The following PSMD4 variants were observed in gnomAD, a reference collection of about 807,000 sequenced individuals.
PSMD4 encodes the protein 26S proteasome non-ATPase regulatory subunit 4.
In PSMD4, 5 loss-of-function variants were observed where a neutral mutation model predicts 39.7. The ratio of observed to expected loss-of-function variants is 0.13; its 90% CI spans 0.07 to 0.26. The LOEUF (loss-of-function observed/expected upper bound fraction) is 0.26, where lower values mean the gene tolerates loss of function less well. PSMD4 is among the 10% of genes least tolerant of loss of function. The pLI is 1.00. For missense variants in PSMD4, 272 were observed against 486.1 expected (o/e 0.56, Z 4.14); for synonymous variants, 143 against 174.6 (o/e 0.82, Z 1.43).
rs57889256 is a variant in PSMD4 at position 151,256,343 on chromosome 1, CAAA to C, written c.26+1546_26+1548del. Among the ~76,000 whole-genome samples the C allele has an allele frequency of 2.4e-3, 118 of 49,230 alleles. 1 individual carries two copies. Among genetic ancestry groups the C allele is most frequent in the Middle Eastern group, 0.014 (1 of 70 alleles). The allele number at this position is 49,230 out of a possible 152,430, so 32.3% of individuals were successfully genotyped here. On this transcript the variant is annotated intron_variant, in intron 1 of 9. Transcript: ENST00000368884. ...TGGGCGACAGAGTGAGACTCCCTCT[CAAA>C]AAAAAAAAAATAATAATAAAATAAA...
intron 1 of PSMD4, among the ~76,000 whole-genome samples, chr1:151,257,184 A>G (rs1200064796): frequency 2.0e-5 from 3 of 152,162 alleles, no homozygotes; most frequent in Non-Finnish European, 4.4e-5. Flanking sequence ...ATCCCCAGTT[A>G]TTGAATAGGG....
At chr1:151,256,364 AAAATAAAT>A (rs1161718731) in intron 1 of PSMD4, among the ~76,000 whole-genome samples, 15 of 45,640 alleles carry the variant, frequency 3.3e-4, no homozygotes, top group African/African-American at 1.1e-3. Flanking sequence ...AAATAATAAT[AAAATAAAT>A]AAATAAATAA....
Position 151,254,826 on chromosome 1 carries a change from G to A in PSMD4, c.26+18G>A, listed in dbSNP as rs977850289. On this transcript the variant is annotated intron_variant, in intron 1 of 9. Transcript: ENST00000368884. ...ATGGTGTGGTGAGGAGCTACTTCGGGGCAGGAGGGGCAGAGCTGGGTTCCG... is the reference window on the plus strand; with the variant it reads ...ATGGTGTGGTGAGGAGCTACTTCGGAGCAGGAGGGGCAGAGCTGGGTTCCG... The A allele has an allele frequency of 6.6e-7, 1 of 1,507,190 alleles. No homozygotes were observed. The highest frequency in any genetic ancestry group is 8.8e-7 in the Non-Finnish European group (1 of 1,134,730). 93.4% of individuals were successfully genotyped at this position (1,507,190 alleles called of 1,614,324 possible).
Position 151,264,018 on chromosome 1 carries a change from G to C in PSMD4, c.272G>C (p.Arg91Pro). The change falls in exon 3 of 10, where the codon CGC becomes CCC. Residue 91 changes from arginine (R) to proline (P), a missense_variant. Coordinates refer to ENST00000368884, the MANE Select transcript of PSMD4 (RefSeq NM_002810.4). ...AAGATCACCTTCTGCACGGGCATCC[G>C]CGTGGCCCATGTGAGTCCTACTGGG... ...KGKITFCTGIRVAHLALKHRQ... is the reference protein window; with the variant it reads ...KGKITFCTGIPVAHLALKHRQ... The C allele has an allele frequency of 6.3e-7, 1 of 1,595,588 alleles. No individual in the cohort carries two copies. Among genetic ancestry groups the C allele is most frequent in the Non-Finnish European group, 8.5e-7 (1 of 1,170,568 alleles).
chr1:151,267,191 G>A lies in PSMD4; in HGVS notation c.982G>A (p.Val328Met). 1.2e-6 allele frequency: 2 copies of A among 1,613,886 alleles called. No homozygotes were observed. The highest frequency in any genetic ancestry group is 1.1e-5 in the South Asian group (1 of 91,074). ...TTTGCAGGAGGAGGATGATTACGAC[G>A]TGATGCAGGACCCCGAGTTCCTTCA... ...EPAKEEDDYDVMQDPEFLQSV... is the reference protein window; with the variant it reads ...EPAKEEDDYDMMQDPEFLQSV... The change falls in exon 10 of 10, where the codon GTG becomes ATG. Residue 328 changes from valine to methionine, a missense_variant. By Grantham distance (21) the Val-to-Met change is conservative. This residue lies in a region of PSMD4 where 113 missense variants were observed against 184.6 expected (regional missense o/e 0.61). Transcript: ENST00000368884.
chr1:151,257,715 C>CTTTTTTTTTTTTTTTTTTTT (rs71090149), intron 1 of PSMD4, among the ~76,000 whole-genome samples: 6 of 88,718 alleles, frequency 6.8e-5, no homozygotes, highest in Non-Finnish European at 8.0e-5. Flanking sequence ...ACCTGGCTTT[C>CTTTTTTTTTTTTTTTTTTTT]TTTTTTTTTT....
intron 1 of PSMD4, among the ~76,000 whole-genome samples, chr1:151,261,347 C>G (rs1440742613): frequency 2.0e-5 from 3 of 151,404 alleles, no homozygotes; most frequent in African/African-American, 7.3e-5. Context: ...AGCTAATTTT[C>G]TACTTTTAGT....
At position 151,256,588 on chromosome 1, in the gene PSMD4, G is replaced by A. The variant is rs188897285; in HGVS notation, c.26+1780G>A. Reference sequence around the variant, plus strand: ...TGAGTAACTGGGATTACAGGTGCCCGCCACCACGCCCAGCTTTTTTGTATT... The same window carrying A: ...TGAGTAACTGGGATTACAGGTGCCCACCACCACGCCCAGCTTTTTTGTATT... On this transcript the variant is annotated intron_variant, in intron 1 of 9. Transcript: ENST00000368884. Among the ~76,000 whole-genome samples, 475 of 149,686 alleles carry A rather than the reference G, an allele frequency of 3.2e-3. 4 individuals are homozygous for A. The highest frequency in any genetic ancestry group is 0.011 in the African/African-American group (453 of 40,832).
At chr1:151,258,117 G>A (rs935500782) in intron 1 of PSMD4, among the ~76,000 whole-genome samples, 9 of 151,666 alleles carry the variant, frequency 5.9e-5, no homozygotes, top group African/African-American at 1.5e-4. Flanking sequence ...TCCACCTCCC[G>A]GGTTCAAATG....
chr1:151,255,641 G>T (rs1281990300), intron 1 of PSMD4, among the ~76,000 whole-genome samples: 2 of 152,132 alleles, frequency 1.3e-5, no homozygotes, highest in African/African-American at 4.8e-5. Flanking sequence ...GCACCTATGA[G>T]ATTTCTTCTT....
chr1:151,259,708 G>C (rs780706304), intron 1 of PSMD4, among the ~76,000 whole-genome samples: 1 of 151,506 alleles, frequency 6.6e-6, no homozygotes, highest in Non-Finnish European at 1.5e-5. Flanking sequence ...GGGCAACAAA[G>C]TGAGACTCCA....
At chr1:151,257,699 C>T (rs1693207477) in intron 1 of PSMD4, among the ~76,000 whole-genome samples, 1 of 150,270 alleles carries the variant, frequency 6.7e-6, no homozygotes, top group African/African-American at 2.5e-5. Context: ...AGGCACCCGC[C>T]ACCATACCTG....
rs1693450537 is a variant in PSMD4, at chr1:151,266,415, A to G, written c.871A>G (p.Met291Val). The G allele has an allele frequency of 1.2e-6, 2 of 1,614,102 alleles. No individual in the cohort carries two copies. Among genetic ancestry groups the G allele is most frequent in the Non-Finnish European group, 1.7e-6 (2 of 1,180,048 alleles). ...MTEEEQIAYA[M>V]QMSLQGAEFG... is the part of the protein sequence containing the mutation. ...TGAGGAAGAGCAGATTGCTTATGCCATGCAGATGTCCCTGCAGGGAGCAGG... is the reference window on the plus strand; with the variant it reads ...TGAGGAAGAGCAGATTGCTTATGCCGTGCAGATGTCCCTGCAGGGAGCAGG... Residue 291 changes from methionine (M) to valine (V), a missense_variant, in exon 8 of 10, where the codon ATG (methionine) becomes GTG (valine). Met to Val is a conservative substitution (Grantham distance 21). Coordinates refer to ENST00000368884, the MANE Select transcript of PSMD4 (RefSeq NM_002810.4).
At chr1:151,262,349 C>T (rs376464429) in intron 2 of PSMD4, 48 bp downstream of exon 2, 2 of 1,607,022 alleles carry the variant, frequency 1.2e-6, no homozygotes, top group African/African-American at 2.7e-5. Context: ...GTGGTTGTTA[C>T]ATGCTACTCT....
In PSMD4 at chr1:151,267,157, C is replaced by T. The variant is rs1693470020; in HGVS notation, c.964-16C>T. On this transcript the variant is annotated splice_polypyrimidine_tract_variant and intron_variant, in intron 9 of 9. Coordinates refer to ENST00000368884, the MANE Select transcript of PSMD4 (RefSeq NM_002810.4). ...CGCTCCATACCCTCCCTTGAGCTCA[C>T]ACTGCCTGTTTGCAGGAGGAGGATG... is the stretch of plus-strand genomic sequence containing the variant. The T allele has an allele frequency of 1.2e-6, 2 of 1,613,896 alleles. No homozygotes were observed. The highest frequency in any genetic ancestry group is 1.7e-5 in the Admixed American group (1 of 60,010).
chr1:151,264,974 T>G (rs1693396545), intron 4 of PSMD4, 56 bp downstream of exon 4: 3 of 1,502,210 alleles, frequency 2.0e-6, no homozygotes, highest in East Asian at 2.3e-5. Flanking sequence ...GACTGAGGTC[T>G]TCCAGCCCTC....
At chr1:151,257,715 C>CTTTTTTTTTTTTTTTTTTTTT (rs71090149) in intron 1 of PSMD4, among the ~76,000 whole-genome samples, 8 of 88,730 alleles carry the variant, frequency 9.0e-5, no homozygotes, top group South Asian at 4.3e-4. Flanking sequence ...ACCTGGCTTT[C>CTTTTTTTTTTTTTTTTTTTTT]TTTTTTTTTT....
intron 2 of PSMD4, 131 bp from the exon 3 acceptor site, chr1:151,263,783 A>G: frequency 3.5e-6 from 2 of 569,730 alleles, no homozygotes; most frequent in Non-Finnish European, 5.9e-6. Context: ...GTGACCCGAG[A>G]TCACGCCACG....
At chr1:151,259,256 T>C (rs1693262715) in intron 1 of PSMD4, 1 of 152,142 alleles carries the variant, frequency 6.6e-6, no homozygotes, top group South Asian at 2.1e-4. Flanking sequence ...GCTAGGACCA[T>C]AAGTGTTTCA....
Sources: gnomAD v4.1 joint callset for allele counts (sites outside exome capture counted in the v4.1 genomes callset) on GRCh38, gnomAD v4.1.1 for gene constraint, gnomAD v4.1.1 regional missense constraint, MANE v1.5 for transcripts, NCBI Gene and HGNC (gene_info 2026-07-23, HGNC 2026-07-21) for gene names.